RABGAP1: variants seen among roughly 807,000 people sequenced by gnomAD.
RABGAP1 encodes RAB GTPase activating protein 1.
A neutral mutation model predicts 137.6 loss-of-function variants in RABGAP1; 23 were observed. That is an observed-to-expected ratio of 0.17 (90% confidence interval 0.12 to 0.24). The LOEUF (loss-of-function observed/expected upper bound fraction) is 0.24, where lower values mean the gene tolerates loss of function less well. Among genes scored for constraint, RABGAP1 ranks in the 10% least tolerant of loss-of-function variants. The probability of loss-of-function intolerance (pLI) is 1.00; values close to 1 mark genes in which losing one functional copy is unlikely to be tolerated. For synonymous variants in RABGAP1, 451 were observed against 450.7 expected (o/e 1.00, Z -0.01); for missense variants, 906 against 1,275.8 (o/e 0.71, Z 4.42).
Position 123,099,106 on chromosome 9 carries a change from G to C in RABGAP1, c.2817+308G>C, listed in dbSNP as rs552586047. On this transcript the variant is annotated intron_variant, in intron 23 of 25. Coordinates refer to ENST00000373647, the MANE Select transcript of RABGAP1 (RefSeq NM_012197.4). ...GTATGTATTTCAGATTCAGAATTAC[G>C]AACTTTTGTTTACGTGTAGTTTTAA... is the stretch of plus-strand genomic sequence containing the variant. Among the ~76,000 whole-genome samples, 4 of 152,270 alleles carry C rather than the reference G, an allele frequency of 2.6e-5. No homozygotes were observed. In the South Asian group the frequency reaches 8.3e-4, roughly 32 times the overall value.
At chr9:123,016,537 A>G (rs1334807089) in intron 12 of RABGAP1, among the ~76,000 whole-genome samples, 2 of 137,064 alleles carry the variant, frequency 1.5e-5, no homozygotes, top group Non-Finnish European at 3.2e-5. Context: ...AATACCAAAC[A>G]AAAAGAATAC....
At chr9:122,972,679 G>C (rs1835531217) in intron 2 of RABGAP1, among the ~76,000 whole-genome samples, 1 of 152,212 alleles carries the variant, frequency 6.6e-6, no homozygotes, top group South Asian at 2.1e-4. Context: ...CATCAGTATA[G>C]TTAGATGAAT....
chr9:123,068,039 G>T (rs1028978294), intron 14 of RABGAP1, among the ~76,000 whole-genome samples: 3 of 152,210 alleles, frequency 2.0e-5, no homozygotes, highest in African/African-American at 7.2e-5. Flanking sequence ...TACAAATAAA[G>T]TAAGTTACAT....
chr9:123,028,163 T>C (rs982913526), intron 13 of RABGAP1, among the ~76,000 whole-genome samples: 2 of 152,238 alleles, frequency 1.3e-5, no homozygotes, highest in African/African-American at 2.4e-5. Context: ...AGTTAAACAG[T>C]TACCATGCTG....
chr9:122,952,715 G>A (rs1380079043), intron 1 of RABGAP1, among the ~76,000 whole-genome samples: 2 of 152,054 alleles, frequency 1.3e-5, no homozygotes, highest in Non-Finnish European at 2.9e-5. Context: ...CAGCCTGGGC[G>A]ACAGAGCAAG....
intron 6 of RABGAP1, among the ~76,000 whole-genome samples, chr9:122,994,838 A>G (rs1278108168): frequency 6.6e-6 from 1 of 152,112 alleles, no homozygotes; most frequent in Non-Finnish European, 1.5e-5. Context: ...CATTTTAAGA[A>G]CTTTGCTGTG....
chr9:123,035,432 C>T (rs775406047), intron 13 of RABGAP1: 2 of 1,614,178 alleles, frequency 1.2e-6, no homozygotes, highest in Non-Finnish European at 1.7e-6. Context: ...TCCTTCTTGA[C>T]CACCTGGCTT....
chr9:122,971,106 T>A (rs1835446451), intron 2 of RABGAP1, among the ~76,000 whole-genome samples: 1 of 152,126 alleles, frequency 6.6e-6, no homozygotes, highest in African/African-American at 2.4e-5. Context: ...TGAGATCTCC[T>A]CAGAAAGTGT....
chr9:123,039,237 T>C (rs1275213450), intron 13 of RABGAP1, among the ~76,000 whole-genome samples: 3 of 152,176 alleles, frequency 2.0e-5, no homozygotes, highest in Non-Finnish European at 4.4e-5. Flanking sequence ...GCAAAATAAA[T>C]GCTCATCCTC....
At chr9:122,969,892 C>T (rs1207753710) in intron 2 of RABGAP1, among the ~76,000 whole-genome samples, 1 of 151,912 alleles carries the variant, frequency 6.6e-6, no homozygotes, top group African/African-American at 2.4e-5. Context: ...AATTCCAAGG[C>T]TCTCGAGTTT....
intron 13 of RABGAP1, among the ~76,000 whole-genome samples, chr9:123,055,364 G>A (rs2797456): frequency 0.023 from 3,467 of 151,750 alleles, 138 homozygotes; most frequent in African/African-American, 0.08. Flanking sequence ...ATTTTTTTGT[G>A]TTTTTTGTTT....
At chr9:123,033,907 TC>T (rs1432012746) in intron 13 of RABGAP1, among the ~76,000 whole-genome samples, 2 of 152,208 alleles carry the variant, frequency 1.3e-5, no homozygotes. Context: ...ATTCCTTTTC[TC>T]CCCCGTCTCA....
chr9:123,067,435 A>G (rs2034213281), intron 14 of RABGAP1, among the ~76,000 whole-genome samples: 1 of 152,214 alleles, frequency 6.6e-6, no homozygotes, highest in Non-Finnish European at 1.5e-5. Context: ...AGAAACCTTT[A>G]TAACTGCTAC....
intron 13 of RABGAP1, chr9:123,035,713 A>G (rs2032617504): frequency 1.3e-6 from 1 of 792,646 alleles, no homozygotes; most frequent in Non-Finnish European, 2.0e-6. Context: ...CTAATTCACT[A>G]GGAAATCTGG....
At chr9:122,999,727 T>TA (rs1837225711) in intron 10 of RABGAP1, among the ~76,000 whole-genome samples, 1 of 151,690 alleles carries the variant, frequency 6.6e-6, no homozygotes, top group African/African-American at 2.4e-5. Flanking sequence ...TTTTTTTTTT[T>TA]AACCAGATTT....
intron 21 of RABGAP1, among the ~76,000 whole-genome samples, chr9:123,095,397 A>C (rs1328605574): frequency 1.3e-5 from 2 of 152,158 alleles, no homozygotes; most frequent in African/African-American, 4.8e-5. Flanking sequence ...TTCTAAAATA[A>C]GCATTTAAAG....
At chr9:123,064,618 T>A (rs1443290255) in intron 13 of RABGAP1, among the ~76,000 whole-genome samples, 1 of 152,246 alleles carries the variant, frequency 6.6e-6, no homozygotes, top group Non-Finnish European at 1.5e-5. Context: ...TATTTCTGTG[T>A]TCCAGTTCTT....
chr9:123,069,710 C>T (rs1031871947), intron 14 of RABGAP1, among the ~76,000 whole-genome samples: 1 of 151,934 alleles, frequency 6.6e-6, no homozygotes, highest in African/African-American at 2.4e-5. Context: ...GTTGAGATCC[C>T]ATCTCTATAA....
At chr9:122,966,462 G>T (rs192730657) in intron 2 of RABGAP1, among the ~76,000 whole-genome samples, 1 of 152,208 alleles carries the variant, frequency 6.6e-6, no homozygotes, top group East Asian at 1.9e-4. Flanking sequence ...GGCGGAGGTT[G>T]CAGTGAGCCT....
Sources: allele counts gnomAD v4.1 joint callset (sites outside exome capture counted in the v4.1 genomes callset), GRCh38; gene constraint gnomAD v4.1.1; transcripts MANE v1.5; gene names NCBI Gene and HGNC (gene_info 2026-07-23, HGNC 2026-07-21).